Variants in FTCDNL1 observed in about 807,000 individuals in gnomAD.
FTCDNL1 encodes formiminotransferase N-terminal subdomain-containing protein.
In FTCDNL1, 11 loss-of-function variants were observed where a neutral mutation model predicts 5.9. That is an observed-to-expected ratio of 1.87 (90% CI 1.18 to 3.10). The LOEUF is 3.10. FTCDNL1 is among the 30% of genes most tolerant of loss of function. FTCDNL1 has a pLI of 0.00. For missense variants in FTCDNL1, 115 were observed against 65.5 expected, an observed-to-expected ratio of 1.76 and a Z score of -2.61; for synonymous variants, 58 against 24.8, an observed-to-expected ratio of 2.34 and a Z score of -3.99.
chr2:199,807,824 A>G (rs938032470), downstream of FTCDNL1, among the ~76,000 whole-genome samples: 2 of 152,210 alleles, frequency 1.3e-5, no homozygotes, highest in African/African-American at 4.8e-5. Flanking sequence ...ATCTATTAGT[A>G]GATAACAGAA....
In FTCDNL1 at chr2:199,834,190, C is replaced by T. The variant is rs1488477632; in HGVS notation, c.211+11885G>A. On this transcript the variant is annotated intron_variant, in intron 3 of 4. Coordinates refer to ENST00000420128, the MANE Select transcript of FTCDNL1 (RefSeq NM_001363886.2). The stretch of plus-strand genomic sequence containing the variant: ...ACACAGACAATATACAGAAAGAATG[C>T]CACGTGACCATGAGGAAGGTCAAGT... 2.1e-4 allele frequency among the ~76,000 whole-genome samples: 32 copies of T among 152,020 alleles called. 1 individual carries two copies. The highest frequency in any genetic ancestry group is 2.0e-3 in the Admixed American group (31 of 15,256).
At chr2:199,781,525 G>A (rs532157549) in intron 3 of FTCDNL1, among the ~76,000 whole-genome samples, 2 of 152,078 alleles carry the variant, frequency 1.3e-5, no homozygotes, top group Non-Finnish European at 2.9e-5. Flanking sequence ...ATAATAGATT[G>A]ACACAATAGA....
the FTCDNL1 span, among the ~76,000 whole-genome samples, chr2:199,692,158 T>C: frequency 6.6e-6 from 1 of 152,184 alleles, no homozygotes; most frequent in Non-Finnish European, 1.5e-5. Context: ...CTTCATTCTT[T>C]TAAGGCCTCA....
At chr2:199,681,378 C>A in the FTCDNL1 span, among the ~76,000 whole-genome samples, 1 of 152,154 alleles carries the variant, frequency 6.6e-6, no homozygotes, top group Non-Finnish European at 1.5e-5. Context: ...ATTGCTTGAA[C>A]CCGGGAGGCG....
At chr2:199,773,105 T>C (rs112774585) in intron 3 of FTCDNL1, among the ~76,000 whole-genome samples, 2,562 of 152,262 alleles carry the variant, frequency 0.017, 28 homozygotes, top group Middle Eastern at 0.024. Context: ...ATTGCTGCCA[T>C]TTCCCCTAAA....
At chr2:199,780,237 C>T (rs1031989016) in intron 3 of FTCDNL1, among the ~76,000 whole-genome samples, 4 of 152,144 alleles carry the variant, frequency 2.6e-5, no homozygotes, top group Non-Finnish European at 5.9e-5. Context: ...GGGCAGGGGG[C>T]TGCTGGGCCC....
At chr2:199,785,330 C>A (rs1485168363) in intron 3 of FTCDNL1, among the ~76,000 whole-genome samples, 1 of 138,066 alleles carries the variant, frequency 7.2e-6, no homozygotes, top group Non-Finnish European at 1.5e-5. Context: ...TCACTGTGAG[C>A]TCCACCTCCC....
At chr2:199,819,906 AG>A in intron 3 of FTCDNL1, 149 bp from the exon 4 acceptor site, 1 of 599,272 alleles carries the variant, frequency 1.7e-6, no homozygotes, top group East Asian at 2.8e-5. Flanking sequence ...AGTGGCATGA[AG>A]TTGCACACTG....
the FTCDNL1 span, among the ~76,000 whole-genome samples, chr2:199,740,838 T>C: frequency 0.012 from 1,846 of 152,226 alleles, 34 homozygotes; most frequent in African/African-American, 0.042. Context: ...ATTTGAAAAT[T>C]TGGATTACAC....
At chr2:199,736,684 T>C in the FTCDNL1 span, among the ~76,000 whole-genome samples, 2 of 152,200 alleles carry the variant, frequency 1.3e-5, no homozygotes, top group Admixed American at 6.5e-5. Flanking sequence ...CCTGGTGATG[T>C]TGGTTTTTAC....
the FTCDNL1 span, among the ~76,000 whole-genome samples, chr2:199,676,961 G>T: frequency 6.6e-6 from 1 of 152,110 alleles, no homozygotes; most frequent in Non-Finnish European, 1.5e-5. Context: ...CTTTGCTAAA[G>T]AGTTCAATAT....
At chr2:199,755,036 G>A in the FTCDNL1 span, among the ~76,000 whole-genome samples, 3 of 152,086 alleles carry the variant, frequency 2.0e-5, no homozygotes, top group Non-Finnish European at 4.4e-5. Flanking sequence ...GTTTTACTAC[G>A]AGCCCCACAA....
chr2:199,795,395 C>G (rs1700123643), intron 3 of FTCDNL1, among the ~76,000 whole-genome samples: 1 of 152,178 alleles, frequency 6.6e-6, no homozygotes, highest in African/African-American at 2.4e-5. Context: ...TTTTTCTCTG[C>G]TCAGAGGGCA....
chr2:199,742,006 C>G, the FTCDNL1 span, among the ~76,000 whole-genome samples: 1 of 152,088 alleles, frequency 6.6e-6, no homozygotes, highest in African/African-American at 2.4e-5. Context: ...ACTTGCCTAC[C>G]GTCTCCAGCT....
chr2:199,768,263 A>G (rs920221315), intron 3 of FTCDNL1, among the ~76,000 whole-genome samples: 1 of 152,060 alleles, frequency 6.6e-6, no homozygotes, highest in East Asian at 1.9e-4. Flanking sequence ...TTATATTTGC[A>G]TGCCAAAAAA....
the FTCDNL1 span, among the ~76,000 whole-genome samples, chr2:199,721,758 C>A: frequency 6.6e-6 from 1 of 152,168 alleles, no homozygotes; most frequent in Non-Finnish European, 1.5e-5. Context: ...TAAAAGCATT[C>A]CTATCTCTCT....
intron 3 of FTCDNL1, among the ~76,000 whole-genome samples, chr2:199,762,001 A>C (rs1291520011): frequency 6.6e-6 from 1 of 152,198 alleles, no homozygotes; most frequent in Non-Finnish European, 1.5e-5. Flanking sequence ...GAAGAAGAAG[A>C]ATTGTCTTGG....
downstream of FTCDNL1, among the ~76,000 whole-genome samples, chr2:199,758,910 A>G (rs1307726754): frequency 6.6e-6 from 1 of 152,204 alleles, no homozygotes; most frequent in African/African-American, 2.4e-5. Context: ...ACTGTCCATC[A>G]TCTACCATGG....
intron 3 of FTCDNL1, among the ~76,000 whole-genome samples, chr2:199,845,315 C>T (rs902695937): frequency 2.0e-5 from 3 of 151,936 alleles, no homozygotes; most frequent in African/African-American, 7.3e-5. Flanking sequence ...TCCTATAATC[C>T]CAGCACTTTG....
Sources: gnomAD v4.1 joint callset for allele counts (sites outside exome capture counted in the v4.1 genomes callset) on GRCh38, gnomAD v4.1.1 for gene constraint, MANE v1.5 for transcripts, NCBI Gene and HGNC (gene_info 2026-07-23, HGNC 2026-07-21) for gene names.